SMG5: variants seen among roughly 807,000 people sequenced by gnomAD.
SMG5 encodes nonsense-mediated mRNA decay factor SMG5.
In SMG5, 53 loss-of-function variants were observed where a neutral mutation model predicts 122.9. The ratio of observed to expected loss-of-function variants is 0.43; its 90% CI spans 0.35 to 0.54. SMG5 has a LOEUF of 0.54. SMG5 is among the 20% of genes least tolerant of loss of function. The pLI is 0.01. For missense variants in SMG5, 1,153 were observed against 1,285.6 expected, an observed-to-expected ratio of 0.90 and a Z score of 1.58; for synonymous variants, 477 against 490.2, an observed-to-expected ratio of 0.97 and a Z score of 0.35.
the SMG5 span, among the ~76,000 whole-genome samples, chr1:156,288,075 T>A: frequency 6.6e-6 from 1 of 151,278 alleles, no homozygotes; most frequent in Non-Finnish European, 1.5e-5. Context: ...ATTAGCCGGG[T>A]GCGGTGGCGA....
At position 156,277,081 on chromosome 1, in the gene SMG5, T is replaced by C. The variant is rs377581371; in HGVS notation, c.454+4A>G. 1 of 1,612,010 alleles carries C rather than the reference T, an allele frequency of 6.2e-7. No homozygotes were observed. ...CTCAAGTCCACCTTTCAGGTTCCAC[T>C]GACCTATGAGGGGGTCAGTGACATG... On this transcript the variant is annotated splice_donor_region_variant and intron_variant, in intron 4 of 21. Transcript: ENST00000361813.
At chr1:156,282,145 G>A (rs1026742209) in intron 1 of SMG5, among the ~76,000 whole-genome samples, 1 of 152,160 alleles carries the variant, frequency 6.6e-6, no homozygotes, top group East Asian at 1.9e-4. Context: ...TAAGGAAACT[G>A]AGGCCCAAGG....
intron 1 of SMG5, 36 bp downstream of exon 1, chr1:156,282,571 C>G: frequency 6.3e-7 from 1 of 1,586,544 alleles, no homozygotes; most frequent in Non-Finnish European, 8.5e-7. Flanking sequence ...TCCCCACTTC[C>G]CTCGGTGGCT....
chr1:156,268,036 C>T (rs936076391), intron 9 of SMG5, 79 bp downstream of exon 9: 2 of 1,450,734 alleles, frequency 1.4e-6, no homozygotes, highest in African/African-American at 2.8e-5. Context: ...CGACAGTCCA[C>T]CCTTGTCAAG....
upstream of SMG5, chr1:156,283,102 A>G: frequency 2.8e-6 from 1 of 361,152 alleles, no homozygotes; most frequent in Non-Finnish European, 4.9e-6. Flanking sequence ...GCTTTGTCCT[A>G]CAATGGTCAT....
chr1:156,263,676 C>G, intron 12 of SMG5, 106 bp from the exon 13 acceptor site: 1 of 1,268,114 alleles, frequency 7.9e-7, no homozygotes, highest in Non-Finnish European at 1.1e-6. Context: ...GGCCTGGGCC[C>G]TTCCAAGGAA....
Position 156,277,097 on chromosome 1 carries a change from C to T in SMG5, c.442G>A (p.Asp148Asn). 1 of 1,613,428 alleles carries T rather than the reference C, an allele frequency of 6.2e-7. No homozygotes were observed. The highest frequency in any genetic ancestry group is 8.5e-7 in the Non-Finnish European group (1 of 1,179,746). The change falls in exon 4 of 22, where the codon GAC (aspartate) becomes AAC (asparagine). Residue 148 changes from aspartate to asparagine, a missense_variant. Transcript: ENST00000361813. ...QCCIDWTHVT[D>N]PLIGCKKPVS... ...AGGTTCCACTGACCTATGAGGGGGT[C>T]AGTGACATGGGTCCAGTCGATGCAG...
chr1:156,266,325 A>C lies in SMG5; in HGVS notation c.1311T>G (p.Pro437=), dbSNP rs147239123. The C allele has an allele frequency of 2.5e-3, 3,995 of 1,614,052 alleles. 8 individuals carry two copies. The highest frequency in any genetic ancestry group is 3.0e-3 in the Non-Finnish European group (3,572 of 1,180,008). ...VEKEEEPDPE[P]PPVTPQVGEG... ...CACCCACTTGGGGTGTTACAGGAGG[A>C]GGCTCAGGATCTGGCTCCTCCTCTT... Residue 437 remains proline, a synonymous_variant, in exon 12 of 22, where the codon CCT becomes CCG. Coordinates refer to ENST00000361813, the MANE Select transcript of SMG5 (RefSeq NM_015327.3).
At position 156,261,315 on chromosome 1, in the gene SMG5, T is replaced by C; in HGVS notation, c.2107+18A>G. On this transcript the variant is annotated intron_variant, in intron 14 of 21. Transcript: ENST00000361813. ...TGAGAGAGCAAAGAAAGGAGGGTAG[T>C]GCCAGGGACCCACTCACCAGACTCC... is the stretch of plus-strand genomic sequence containing the variant. 6.2e-7 allele frequency: 1 copy of C among 1,612,366 alleles called. No individual in the cohort carries two copies.
Position 156,253,383 on chromosome 1 carries a change from T to A in SMG5, c.2502+66A>T, listed in dbSNP as rs375010626. 298 of 1,529,596 alleles carry A rather than the reference T, an allele frequency of 1.9e-4. 1 individual carries two copies. The African/African-American group carries it at 3.5e-3, about 18-fold the overall frequency. 94.8% of individuals were successfully genotyped at this position (1,529,596 alleles called of 1,614,324 possible). A position where few individuals can be genotyped will look rare whatever the true frequency, so the allele number is the denominator to read the frequency against. On this transcript the variant is annotated intron_variant, in intron 17 of 21. Transcript: ENST00000361813. Reference sequence around the variant, plus strand: ...GGGACTACAGCGGAAGGGGGAGACCTGCCAGTAGGGTTGACACAAAAGCTC... The same window carrying A: ...GGGACTACAGCGGAAGGGGGAGACCAGCCAGTAGGGTTGACACAAAAGCTC...
intron 18 of SMG5, 128 bp from the exon 19 acceptor site, chr1:156,252,632 G>A: frequency 1.0e-6 from 1 of 974,374 alleles, no homozygotes; most frequent in Non-Finnish European, 1.5e-6. Context: ...GCTCCCTAGA[G>A]GGCTCCCAAA....
rs147938840 is a variant in SMG5 at position 156,280,722 on chromosome 1, T to C, written c.75-1688A>G. Among the ~76,000 whole-genome samples, 5 of 152,326 alleles carry C rather than the reference T, an allele frequency of 3.3e-5. No homozygotes were observed. In the East Asian group the frequency reaches 9.6e-4, roughly 29 times the overall value. On this transcript the variant is annotated intron_variant, in intron 1 of 21. Coordinates refer to ENST00000361813, the MANE Select transcript of SMG5 (RefSeq NM_015327.3). ...TAACCACCACTCTAGGAAGTTCTAA[T>C]TGAAAACGCTTAAATATGAGAGGGC...
chr1:156,252,134 C>T (rs1221129976), intron 19 of SMG5, among the ~76,000 whole-genome samples: 2 of 152,204 alleles, frequency 1.3e-5, no homozygotes, highest in Non-Finnish European at 2.9e-5. Flanking sequence ...GCTCCCTTCT[C>T]CCCAGTGGGT....
chr1:156,268,212 C>T (rs370797881), intron 8 of SMG5, 29 bp from the exon 9 acceptor site: 1 of 1,613,872 alleles, frequency 6.2e-7, no homozygotes, highest in Non-Finnish European at 8.5e-7. Context: ...AAAGTAAATG[C>T]TGAATGGTCC....
chr1:156,263,592 G>A, intron 12 of SMG5, 22 bp from the exon 13 acceptor site: 1 of 1,605,940 alleles, frequency 6.2e-7, no homozygotes, highest in Non-Finnish European at 8.5e-7. Context: ...GTGAATGGAA[G>A]AGAAAAAAAC....
At position 156,272,405 on chromosome 1, in the gene SMG5, A is replaced by AG; in HGVS notation, c.635-8dup. 6.3e-7 allele frequency: 1 copy of AG among 1,597,162 alleles called. No individual in the cohort carries two copies. The highest frequency in any genetic ancestry group is 8.5e-7 in the Non-Finnish European group (1 of 1,169,750). On this transcript the variant is annotated splice_region_variant and splice_polypyrimidine_tract_variant and intron_variant, in intron 6 of 21. Transcript: ENST00000361813. The stretch of plus-strand genomic sequence containing the variant: ...AGCTGATTGAAGGGCATTCCTAGGG[A>AG]GAAAGAGAATTCATGCAGTCTAAGG...
the SMG5 span, chr1:156,291,284 T>A: frequency 3.9e-6 from 4 of 1,036,778 alleles, no homozygotes; most frequent in Non-Finnish European, 5.9e-6. Flanking sequence ...ACCCACCAAC[T>A]GCATCTGCCT....
intron 14 of SMG5, among the ~76,000 whole-genome samples, 196 bp from the exon 15 acceptor site, chr1:156,260,822 C>A (rs1187129967): frequency 6.6e-6 from 1 of 152,098 alleles, no homozygotes; most frequent in East Asian, 1.9e-4. Flanking sequence ...AGCAGAGGGG[C>A]TCAGGAAGAA....
chr1:156,253,053 C>T lies in SMG5; in HGVS notation c.2528G>A (p.Ser843Asn), dbSNP rs551786600. The change falls in exon 18 of 22, where the codon AGC (serine) becomes AAC (asparagine). Residue 843 changes from serine to asparagine, a missense_variant. Transcript: ENST00000361813. ...TGACTGGGCCTTGGGCTGCTGCAGG[C>T]TGCCCTCCAGCTGAGACACTTCGAG... ...LQLEVSQLEGSLQQPKAQSAM... is the reference protein window; with the variant it reads ...LQLEVSQLEGNLQQPKAQSAM... 1.9e-6 allele frequency: 3 copies of T among 1,610,294 alleles called. No homozygotes were observed. Among genetic ancestry groups the T allele is most frequent in the Non-Finnish European group, 2.5e-6 (3 of 1,178,256 alleles).
Sources: allele counts gnomAD v4.1 joint callset (sites outside exome capture counted in the v4.1 genomes callset), GRCh38; gene constraint gnomAD v4.1.1; transcripts MANE v1.5; gene names NCBI Gene and HGNC (gene_info 2026-07-23, HGNC 2026-07-21).